CSMD1: variants seen among roughly 807,000 people sequenced by gnomAD.
CSMD1 encodes CUB and Sushi multiple domains 1, also known as CUB and sushi domain-containing protein 1.
Under a neutral mutation model 417.5 loss-of-function variants are expected in CSMD1, and 213 were observed. The ratio of observed to expected loss-of-function variants is 0.51; its 90% confidence interval spans 0.46 to 0.57. The LOEUF is 0.57. Among genes scored for constraint, CSMD1 ranks in the 20% least tolerant of loss-of-function variants. CSMD1 has a pLI of 0.00. For missense variants in CSMD1, 6,923 were observed against 4,529.7 expected, an observed-to-expected ratio of 1.53 and a Z score of -15.17; for synonymous variants, 2,862 against 1,736.8, an observed-to-expected ratio of 1.65 and a Z score of -16.11.
intron 3 of CSMD1, among the ~76,000 whole-genome samples, chr8:4,270,511 T>A (rs990178931): frequency 1.3e-5 from 2 of 152,126 alleles, no homozygotes; most frequent in East Asian, 1.9e-4. Flanking sequence ...CTTTTCTGAG[T>A]CTCCTCTCTT....
chr8:4,795,396 C>T (rs191913939), intron 1 of CSMD1, among the ~76,000 whole-genome samples: 1 of 149,682 alleles, frequency 6.7e-6, no homozygotes, highest in South Asian at 2.1e-4. Context: ...CTCAGCCTTC[C>T]GAGTAGCTGG....
At chr8:4,284,064 C>G (rs796363545) in intron 3 of CSMD1, among the ~76,000 whole-genome samples, 50 of 152,228 alleles carry the variant, frequency 3.3e-4, no homozygotes, top group African/African-American at 1.2e-3. Flanking sequence ...GAAACCTGGT[C>G]TCTACTAAAA....
intron 5 of CSMD1, among the ~76,000 whole-genome samples, chr8:3,828,881 C>T (rs970712516): frequency 1.3e-5 from 2 of 152,148 alleles, no homozygotes; most frequent in African/African-American, 4.8e-5. Flanking sequence ...CTCACATCAC[C>T]AACCCCATGT....
At chr8:3,685,629 T>C (rs1288423353) in intron 7 of CSMD1, among the ~76,000 whole-genome samples, 1 of 152,194 alleles carries the variant, frequency 6.6e-6, no homozygotes, top group Non-Finnish European at 1.5e-5. Context: ...GTTTCATTTC[T>C]TTGAGACTGT....
chr8:3,748,083 A>C (rs1797147182), intron 6 of CSMD1, among the ~76,000 whole-genome samples: 2 of 152,202 alleles, frequency 1.3e-5, no homozygotes, highest in Non-Finnish European at 2.9e-5. Context: ...AAAAGTGCAG[A>C]GTAAGAGTCA....
At chr8:3,111,428 G>A (rs192870851) in intron 42 of CSMD1, among the ~76,000 whole-genome samples, 34 of 152,278 alleles carry the variant, frequency 2.2e-4, no homozygotes, top group African/African-American at 8.2e-4. Flanking sequence ...TTTGGAGTCA[G>A]ACAAACCTGG....
intron 1 of CSMD1, among the ~76,000 whole-genome samples, chr8:4,809,268 A>T (rs888077106): frequency 6.6e-6 from 1 of 152,252 alleles, no homozygotes; most frequent in African/African-American, 2.4e-5. Context: ...AATGAAGGGC[A>T]ATAAGAAAAT....
At chr8:4,305,344 G>C (rs1049393538) in intron 3 of CSMD1, among the ~76,000 whole-genome samples, 2 of 152,122 alleles carry the variant, frequency 1.3e-5, no homozygotes, top group Non-Finnish European at 2.9e-5. Flanking sequence ...AGAGAAGTGA[G>C]ACCCGAACTG....
chr8:4,349,105 G>A (rs1040435319), intron 3 of CSMD1, among the ~76,000 whole-genome samples: 3 of 152,220 alleles, frequency 2.0e-5, no homozygotes, highest in Non-Finnish European at 4.4e-5. Flanking sequence ...ATGAGCTGAA[G>A]TTTGAAGATA....
chr8:4,816,162 A>G (rs776562778), intron 1 of CSMD1, among the ~76,000 whole-genome samples: 1 of 151,750 alleles, frequency 6.6e-6, no homozygotes, highest in African/African-American at 2.4e-5. Flanking sequence ...GCTTTGGCTC[A>G]GGTTGGTCAC....
intron 3 of CSMD1, among the ~76,000 whole-genome samples, chr8:4,072,724 A>C (rs570262211): frequency 6.6e-6 from 1 of 152,334 alleles, no homozygotes; most frequent in South Asian, 2.1e-4. Context: ...AGAAATGAAC[A>C]AAGTGTTTAC....
chr8:3,147,271 T>C (rs1003048833), intron 40 of CSMD1, among the ~76,000 whole-genome samples: 3 of 152,238 alleles, frequency 2.0e-5, no homozygotes, highest in African/African-American at 7.2e-5. Context: ...GTTTGTTTCA[T>C]ACTCAATAAT....
intron 2 of CSMD1, among the ~76,000 whole-genome samples, chr8:4,588,641 C>A (rs1309559124): frequency 1.3e-5 from 2 of 151,866 alleles, no homozygotes; most frequent in East Asian, 2.0e-4. Context: ...AAAAATTAGC[C>A]GGGCGTGGTG....
intron 3 of CSMD1, among the ~76,000 whole-genome samples, chr8:4,109,524 T>C (rs1040916370): frequency 2.6e-5 from 4 of 152,144 alleles, no homozygotes; most frequent in African/African-American, 4.8e-5. Flanking sequence ...TTATTGTCAG[T>C]AGTCACTGAA....
chr8:3,954,155 T>C (rs934967867), intron 5 of CSMD1, among the ~76,000 whole-genome samples: 10 of 152,152 alleles, frequency 6.6e-5, no homozygotes, highest in Non-Finnish European at 1.2e-4. Context: ...TATGGGTCTG[T>C]AGAAACTTCA....
At chr8:3,025,436 G>A (rs573186792) in intron 51 of CSMD1, among the ~76,000 whole-genome samples, 94 of 151,946 alleles carry the variant, frequency 6.2e-4, no homozygotes, top group Middle Eastern at 3.4e-3. Flanking sequence ...TTCTGAAACC[G>A]TGTATTGTGT....
chr8:4,133,089 C>A (rs545482611), intron 3 of CSMD1, among the ~76,000 whole-genome samples: 1 of 152,040 alleles, frequency 6.6e-6, no homozygotes, highest in African/African-American at 2.4e-5. Context: ...GTGTACGCCA[C>A]CATGCCCGGA....
intron 6 of CSMD1, among the ~76,000 whole-genome samples, chr8:3,708,759 C>G (rs1307654560): frequency 6.6e-6 from 1 of 152,184 alleles, no homozygotes; most frequent in Non-Finnish European, 1.5e-5. Context: ...CACATCCAAT[C>G]CTATTTACCA....
In CSMD1 at chr8:2,939,153, C is replaced by G. The variant is rs1197151245; in HGVS notation, c.10536-409G>C. On this transcript the variant is annotated intron_variant, in intron 69 of 69. Coordinates refer to ENST00000635120, the MANE Select transcript of CSMD1 (RefSeq NM_033225.6). ...AATGCCCCAGGGAAATCGGGAAGGTCCCAAAGGCTGAATCGGATTGGTTTT... is the reference window on the plus strand; with the variant it reads ...AATGCCCCAGGGAAATCGGGAAGGTGCCAAAGGCTGAATCGGATTGGTTTT... 2.0e-5 allele frequency among the ~76,000 whole-genome samples: 3 copies of G among 152,216 alleles called. No homozygotes were observed. In the East Asian group the frequency reaches 5.8e-4, roughly 29 times the overall value.
Sources: gnomAD v4.1 joint callset for allele counts (sites outside exome capture counted in the v4.1 genomes callset) on GRCh38, gnomAD v4.1.1 for gene constraint, MANE v1.5 for transcripts, NCBI Gene and HGNC (gene_info 2026-07-23, HGNC 2026-07-21) for gene names.